LRRC49: variants seen among roughly 807,000 people sequenced by gnomAD.
LRRC49 encodes leucine rich repeat containing 49.
A neutral mutation model predicts 83.3 loss-of-function variants in LRRC49; 50 were observed. That is an observed-to-expected ratio of 0.60 (90% CI 0.48 to 0.76). The LOEUF (loss-of-function observed/expected upper bound fraction) is 0.76, where lower values mean the gene tolerates loss of function less well. LRRC49 is among the 30% of genes least tolerant of loss of function. LRRC49 has a pLI of 0.00. For synonymous variants in LRRC49, 286 were observed against 283.3 expected (o/e 1.01, Z -0.10); for missense variants, 704 against 809.1 (o/e 0.87, Z 1.58).
intron 5 of LRRC49, among the ~76,000 whole-genome samples, chr15:70,907,142 A>T (rs2034348053): frequency 6.6e-6 from 1 of 152,224 alleles, no homozygotes; most frequent in African/African-American, 2.4e-5. Context: ...CTGGCTGAGG[A>T]TGCTGGTAAA....
chr15:71,045,574 GTGTACAAT>G (rs2039830706), intron 15 of LRRC49, among the ~76,000 whole-genome samples: 1 of 151,958 alleles, frequency 6.6e-6, no homozygotes, highest in Non-Finnish European at 1.5e-5. Context: ...TAAATCTTAG[GTGTACAAT>G]TGCTGAGTTT....
At chr15:70,911,177 A>C (rs1343359021) in intron 5 of LRRC49, among the ~76,000 whole-genome samples, 1 of 152,200 alleles carries the variant, frequency 6.6e-6, no homozygotes, top group Non-Finnish European at 1.5e-5. Flanking sequence ...GTAGGAGATA[A>C]GGCTGGCTGA....
chr15:70,991,558 G>A (rs2037879897), intron 11 of LRRC49, among the ~76,000 whole-genome samples: 1 of 152,124 alleles, frequency 6.6e-6, no homozygotes, highest in South Asian at 2.1e-4. Context: ...CTCAGCATGT[G>A]GCAAGTTCAA....
upstream of LRRC49, chr15:70,891,920 G>A (rs1310230883): frequency 6.2e-7 from 1 of 1,613,606 alleles, no homozygotes; most frequent in Non-Finnish European, 8.5e-7. Flanking sequence ...AGAATGCCTG[G>A]CTGCCTGGAG....
At chr15:71,025,016 T>C (rs1025801337) in intron 14 of LRRC49, among the ~76,000 whole-genome samples, 1 of 152,170 alleles carries the variant, frequency 6.6e-6, no homozygotes. Flanking sequence ...TGAAAAGGAA[T>C]GAACAAAATC....
At chr15:70,866,407 A>G (rs544794509) in intron 1 of LRRC49, among the ~76,000 whole-genome samples, 14 of 152,094 alleles carry the variant, frequency 9.2e-5, no homozygotes, top group East Asian at 1.9e-4. Context: ...AGACTCCCCA[A>G]TTGCCGGGAT....
At chr15:70,908,001 T>TA (rs2034389710) in intron 5 of LRRC49, 1 of 455,906 alleles carries the variant, frequency 2.2e-6, no homozygotes, top group South Asian at 1.5e-5. Context: ...GGTAAGTTTT[T>TA]AGGTCATTTC....
In LRRC49 at chr15:71,030,352, C is replaced by T. The variant is rs537790567; in HGVS notation, c.1704-6827C>T. The stretch of plus-strand genomic sequence containing the variant: ...AATGTTGAATATAGGCCACCACTCT[C>T]TTCTGGCTTTCAGGGTTTCTGCAGA... On this transcript the variant is annotated intron_variant, in intron 14 of 15. Coordinates refer to ENST00000260382, the MANE Select transcript of LRRC49 (RefSeq NM_017691.5). 3.3e-5 allele frequency among the ~76,000 whole-genome samples: 5 copies of T among 152,330 alleles called. No homozygotes were observed. The East Asian group carries it at 7.7e-4, about 23-fold the overall frequency.
intron 11 of LRRC49, among the ~76,000 whole-genome samples, chr15:70,993,498 T>A (rs1596114253): frequency 6.6e-6 from 1 of 152,184 alleles, no homozygotes; most frequent in Non-Finnish European, 1.5e-5. Context: ...ACTGGAGCTG[T>A]TCCTATTCGA....
intron 2 of LRRC49, among the ~76,000 whole-genome samples, chr15:70,876,165 C>T (rs2033147597): frequency 1.3e-5 from 2 of 152,218 alleles, no homozygotes; most frequent in Non-Finnish European, 2.9e-5. Context: ...TCAACGATCA[C>T]TTTCATGTAA....
At chr15:70,859,006 C>G (rs2032720287) in intron 1 of LRRC49, 1 of 1,010,114 alleles carries the variant, frequency 9.9e-7, no homozygotes, top group Admixed American at 1.7e-5. Flanking sequence ...TCAAGGCCCT[C>G]AACAACAAGT....
intron 11 of LRRC49, among the ~76,000 whole-genome samples, chr15:70,989,026 C>G (rs1207550403): frequency 6.6e-6 from 1 of 152,186 alleles, no homozygotes; most frequent in Non-Finnish European, 1.5e-5. Context: ...TGATGGGCTT[C>G]CCTTTGTGGG....
chr15:70,992,270 T>A (rs2141241149), intron 11 of LRRC49, among the ~76,000 whole-genome samples: 1 of 152,366 alleles, frequency 6.6e-6, no homozygotes, highest in East Asian at 1.9e-4. Flanking sequence ...CTCCATTAGC[T>A]CGGAGAAGTT....
intron 11 of LRRC49, among the ~76,000 whole-genome samples, chr15:70,993,043 C>T (rs2141242436): frequency 6.6e-6 from 1 of 152,342 alleles, no homozygotes; most frequent in Admixed American, 6.5e-5. Context: ...CTCGAGCTTG[C>T]TGGCTGCTTT....
chr15:70,887,481 A>G (rs1289874397), upstream of LRRC49, among the ~76,000 whole-genome samples: 1 of 152,190 alleles, frequency 6.6e-6, no homozygotes, highest in Non-Finnish European at 1.5e-5. Context: ...AAAACCAATC[A>G]ATATAATTTA....
chr15:71,033,688 A>G lies in LRRC49; in HGVS notation c.1704-3491A>G, dbSNP rs542315815. ...CAGCATGGTACTGGTACCAAAACAG[A>G]CACATACACCAGTGGAACAGAATAG... On this transcript the variant is annotated intron_variant, in intron 14 of 15. Coordinates refer to ENST00000260382, the MANE Select transcript of LRRC49 (RefSeq NM_017691.5). Among the ~76,000 whole-genome samples, 5 of 152,306 alleles carry G rather than the reference A, an allele frequency of 3.3e-5. 1 individual carries two copies. In the South Asian group the frequency reaches 1.0e-3, roughly 32 times the overall value.
intron 14 of LRRC49, among the ~76,000 whole-genome samples, chr15:71,033,295 C>T (rs1172962855): frequency 3.3e-5 from 5 of 152,134 alleles, no homozygotes; most frequent in Admixed American, 2.0e-4. Flanking sequence ...CCTGGGAATA[C>T]AGCTAACAAG....
chr15:70,923,500 G>A (rs1330790811), intron 7 of LRRC49, among the ~76,000 whole-genome samples: 1 of 151,884 alleles, frequency 6.6e-6, no homozygotes, highest in African/African-American at 2.4e-5. Context: ...AGTATTTTAT[G>A]AGCATGGGCT....
At chr15:71,014,667 G>T (rs2038768472) in intron 14 of LRRC49, among the ~76,000 whole-genome samples, 1 of 152,088 alleles carries the variant, frequency 6.6e-6, no homozygotes, top group Non-Finnish European at 1.5e-5. Flanking sequence ...TGATAGACTT[G>T]ATGACACTAA....
Sources: gnomAD v4.1 joint callset for allele counts (sites outside exome capture counted in the v4.1 genomes callset) on GRCh38, gnomAD v4.1.1 for gene constraint, MANE v1.5 for transcripts, NCBI Gene and HGNC (gene_info 2026-07-23, HGNC 2026-07-21) for gene names.